GEN1: variants seen among roughly 807,000 people sequenced by gnomAD.
GEN1 encodes GEN1 structure-specific endonuclease.
GEN1 carries 64 observed loss-of-function variants against 67.6 expected under a neutral mutation model. That is an observed-to-expected ratio of 0.95 (90% confidence interval 0.77 to 1.17). The LOEUF is 1.17. Ranked by LOEUF, GEN1 falls within the 50% of genes most tolerant of loss-of-function variation. GEN1 has a pLI of 0.00. For synonymous variants in GEN1, 371 were observed against 359.4 expected (o/e 1.03, Z -0.37); for missense variants, 1,058 against 1,048.3 (o/e 1.01, Z -0.13).
chr2:17,778,334 A>ATG (rs1672616473), intron 12 of GEN1, among the ~76,000 whole-genome samples: 3 of 33,750 alleles, frequency 8.9e-5, no homozygotes, highest in Non-Finnish European at 1.8e-4. Flanking sequence ...GTGTACATAT[A>ATG]TGTATACACA....
chr2:17,778,425 T>C lies in GEN1; in HGVS notation c.1264+362T>C, dbSNP rs1280389930. On this transcript the variant is annotated intron_variant, in intron 12 of 13. Coordinates refer to ENST00000381254, the MANE Select transcript of GEN1 (RefSeq NM_001130009.3). ...ATATACACACATATATGTGTGTACA[T>C]ATATGTATATACACACACATATATG... Among the ~76,000 whole-genome samples the C allele has an allele frequency of 2.2e-5, 2 of 91,208 alleles. 1 individual carries two copies. Among genetic ancestry groups the C allele is most frequent in the African/African-American group, 8.1e-5 (2 of 24,616 alleles). 59.8% of individuals were successfully genotyped at this position (91,208 alleles called of 152,430 possible).
intron 7 of GEN1, among the ~76,000 whole-genome samples, chr2:17,771,983 G>A (rs1672212755): frequency 6.6e-6 from 1 of 152,002 alleles, no homozygotes; most frequent in Non-Finnish European, 1.5e-5. Context: ...TAAATAAGAT[G>A]CTATTGTATA....
intron 11 of GEN1, among the ~76,000 whole-genome samples, chr2:17,777,346 A>C (rs1672480176): frequency 6.6e-6 from 1 of 152,204 alleles, no homozygotes; most frequent in African/African-American, 2.4e-5. Context: ...ATGATAAGCC[A>C]AAACTCCCAA....
At chr2:17,777,713 G>A (rs909313914) in intron 11 of GEN1, among the ~76,000 whole-genome samples, 13 of 152,178 alleles carry the variant, frequency 8.5e-5, no homozygotes, top group Admixed American at 8.5e-4. Flanking sequence ...GACAAATACT[G>A]TACTTACCAA....
chr2:17,773,531 A>T (rs758940596), intron 10 of GEN1, among the ~76,000 whole-genome samples: 17 of 152,102 alleles, frequency 1.1e-4, no homozygotes, highest in Non-Finnish European at 1.9e-4. Flanking sequence ...GCATATGTGG[A>T]TATATTGCAT....
intron 5 of GEN1, among the ~76,000 whole-genome samples, chr2:17,767,826 A>G (rs1672003705): frequency 6.6e-6 from 1 of 152,252 alleles, no homozygotes. Context: ...AAGACTATGT[A>G]CTAACTTGAT....
rs779020468 is a variant in GEN1 at position 17,772,628 on chromosome 2, A to G, written c.803-6A>G. ...AATATTATACTTTTTTTGGGTCTCCATAAAGGTTCACCTAAGGATCATGAA... is the reference window on the plus strand; with the variant it reads ...AATATTATACTTTTTTTGGGTCTCCGTAAAGGTTCACCTAAGGATCATGAA... On this transcript the variant is annotated splice_polypyrimidine_tract_variant and splice_region_variant and intron_variant, in intron 7 of 13. Transcript: ENST00000381254. 1.6e-5 allele frequency: 26 copies of G among 1,596,208 alleles called. No homozygotes were observed. In the Admixed American group the frequency reaches 3.3e-4, roughly 20 times the overall value.
chr2:17,770,743 A>G (rs1474799274), intron 6 of GEN1, among the ~76,000 whole-genome samples: 3 of 151,962 alleles, frequency 2.0e-5, no homozygotes, highest in African/African-American at 7.2e-5. Context: ...CACCCAGAAG[A>G]TTAATGTTTT....
At chr2:17,768,841 T>C (rs759928321) in intron 6 of GEN1, 30 bp downstream of exon 6, 1 of 1,330,474 alleles carries the variant, frequency 7.5e-7, no homozygotes, top group South Asian at 1.2e-5. Flanking sequence ...TCTTGTGACA[T>C]TGAACCTTTA....
intron 7 of GEN1, among the ~76,000 whole-genome samples, chr2:17,771,844 C>T (rs1672204928): frequency 6.7e-6 from 1 of 150,338 alleles, no homozygotes. Flanking sequence ...CTTTCATTCC[C>T]AAAAGAGATT....
Position 17,771,289 on chromosome 2 carries a change from T to A in GEN1, c.802+2T>A, listed in dbSNP as rs775770156. 1.3e-6 allele frequency: 2 copies of A among 1,557,622 alleles called. No individual in the cohort carries two copies. Among genetic ancestry groups the A allele is most frequent in the South Asian group, 1.1e-5 (1 of 89,848 alleles). On this transcript the variant is annotated splice_donor_variant, in intron 7 of 13. Transcript: ENST00000381254. LOFTEE classifies it high-confidence loss of function. ...ATTGTTCCGTATGTTCCCATCCAGG[T>A]AAGGAGACATAGGGAATGGTTATTA...
intron 9 of GEN1, 43 bp downstream of exon 9, chr2:17,773,175 T>A (rs1558404687): frequency 6.5e-7 from 1 of 1,546,798 alleles, no homozygotes; most frequent in East Asian, 2.3e-5. Context: ...AGAAACTTTC[T>A]TAAAAGTTTA....
intron 11 of GEN1, 115 bp from the exon 12 acceptor site, chr2:17,777,887 C>T (rs1672514922): frequency 1.7e-6 from 1 of 584,140 alleles, no homozygotes; most frequent in Non-Finnish European, 3.2e-6. Context: ...GGCAGTAATT[C>T]CTTAAAATGT....
rs300178 is a variant in GEN1 at position 17,773,380 on chromosome 2, T to G, written c.1071+81T>G. Reference sequence around the variant, plus strand: ...AACAGATATTCACTCTGATTGGTCTTAGAGGAGGTTTAAAATTAAAACAGG... The same window carrying G: ...AACAGATATTCACTCTGATTGGTCTGAGAGGAGGTTTAAAATTAAAACAGG... On this transcript the variant is annotated intron_variant, in intron 10 of 13. Coordinates refer to ENST00000381254, the MANE Select transcript of GEN1 (RefSeq NM_001130009.3). 555,453 of 835,200 alleles carry G rather than the reference T, an allele frequency of 0.67. 189,034 individuals carry two copies. Among genetic ancestry groups the G allele is most frequent in the East Asian group, 0.99 (37,268 of 37,810 alleles). 51.7% of individuals were successfully genotyped at this position (835,200 alleles called of 1,614,324 possible).
chr2:17,767,220 T>C (rs1325794376), intron 5 of GEN1, among the ~76,000 whole-genome samples: 1 of 152,192 alleles, frequency 6.6e-6, no homozygotes, highest in African/African-American at 2.4e-5. Context: ...CTGTAACAAA[T>C]AGGTATAACA....
intron 1 of GEN1, among the ~76,000 whole-genome samples, chr2:17,758,588 T>TA (rs1671531277): frequency 6.6e-6 from 1 of 152,230 alleles, no homozygotes; most frequent in African/African-American, 2.4e-5. Context: ...TCTGGGCCAC[T>TA]GTTACTACCA....
chr2:17,769,533 T>C (rs1454605595), intron 6 of GEN1, among the ~76,000 whole-genome samples: 2 of 152,238 alleles, frequency 1.3e-5, no homozygotes, highest in Middle Eastern at 3.2e-3. Context: ...AATAATTTTG[T>C]ATTTAATACT....
At chr2:17,775,306 T>A (rs949341739) in intron 11 of GEN1, among the ~76,000 whole-genome samples, 1 of 152,068 alleles carries the variant, frequency 6.6e-6, no homozygotes, top group Non-Finnish European at 1.5e-5. Flanking sequence ...CTAAACTTGG[T>A]CCAAAAAAAT....
intron 2 of GEN1, among the ~76,000 whole-genome samples, chr2:17,760,360 G>A (rs1671617526): frequency 2.0e-5 from 3 of 152,234 alleles, no homozygotes; most frequent in South Asian, 2.1e-4. Context: ...ACTAAAAGCC[G>A]GAGATTTGGG....
Sources: allele counts gnomAD v4.1 joint callset (sites outside exome capture counted in the v4.1 genomes callset), GRCh38; gene constraint gnomAD v4.1.1; transcripts MANE v1.5; gene names NCBI Gene and HGNC (gene_info 2026-07-23, HGNC 2026-07-21).